The following UNC79 variants were observed in gnomAD, a reference collection of about 807,000 sequenced individuals.
The protein encoded by UNC79 is protein unc-79 homolog.
A neutral mutation model predicts 283.1 loss-of-function variants in UNC79; 37 were observed. The observed-to-expected ratio is 0.13, with a 90% CI of 0.10 to 0.17. The LOEUF (loss-of-function observed/expected upper bound fraction) is 0.17. Among genes scored for constraint, UNC79 ranks in the 10% least tolerant of loss-of-function variants. The pLI is 1.00. For missense variants in UNC79, 2,272 were observed against 3,211.1 expected (o/e 0.71, Z 7.07); for synonymous variants, 1,107 against 1,200.2 (o/e 0.92, Z 1.61).
intron 18 of UNC79, among the ~76,000 whole-genome samples, chr14:93,579,673 C>T (rs1258060234): frequency 2.0e-5 from 3 of 152,172 alleles, no homozygotes; most frequent in African/African-American, 7.2e-5. Context: ...ATTCTATGAA[C>T]TCTTCCTTGA....
At chr14:93,611,832 A>C (rs951302029) in intron 26 of UNC79, among the ~76,000 whole-genome samples, 4 of 151,720 alleles carry the variant, frequency 2.6e-5, no homozygotes, top group African/African-American at 7.3e-5. Context: ...TAGAAATTCT[A>C]ATGTTTCTTA....
rs1052558455 is a variant in UNC79 at position 93,572,937 on chromosome 14, A to G, written c.2070+121A>G. 14 of 1,291,724 alleles carry G rather than the reference A, an allele frequency of 1.1e-5. No individual in the cohort carries two copies. The East Asian group carries it at 3.3e-4, about 31-fold the overall frequency. 80.0% of individuals were successfully genotyped at this position (1,291,724 alleles called of 1,614,324 possible). A position where few individuals can be genotyped will look rare whatever the true frequency, so the allele number is the denominator to read the frequency against. On this transcript the variant is annotated intron_variant, in intron 16 of 48. Coordinates refer to ENST00000555664, the Ensembl canonical transcript of UNC79. ...TTCGTAAGTCCCCATGTTTGCCAAG[A>G]AAGTGTATCTCCTATGCATAGATAA... is the stretch of plus-strand genomic sequence containing the variant.
intron 7 of UNC79, among the ~76,000 whole-genome samples, chr14:93,513,303 T>G (rs932133784): frequency 6.6e-6 from 1 of 150,992 alleles, no homozygotes; most frequent in African/African-American, 2.4e-5. Flanking sequence ...CTCACTGCAA[T>G]CTTGAACTCC....
intron 23 of UNC79, among the ~76,000 whole-genome samples, chr14:93,594,786 C>T (rs928294798): frequency 1.2e-4 from 19 of 152,218 alleles, no homozygotes; most frequent in African/African-American, 4.1e-4. Flanking sequence ...TAGTTCCATT[C>T]TCGGGGTAGC....
intron 26 of UNC79, among the ~76,000 whole-genome samples, chr14:93,610,521 AT>A (rs1198718507): frequency 6.6e-6 from 1 of 152,196 alleles, no homozygotes; most frequent in Non-Finnish European, 1.5e-5. Context: ...TGGCCCAAAC[AT>A]GTCCAAAGCA....
intron 48 of UNC79, among the ~76,000 whole-genome samples, chr14:93,705,405 C>CTAGG (rs1368238428): frequency 2.0e-5 from 3 of 147,438 alleles, no homozygotes; most frequent in Non-Finnish European, 4.5e-5. Context: ...TGGAGGATAC[C>CTAGG]TAGGCACATT....
intron 41 of UNC79, among the ~76,000 whole-genome samples, chr14:93,677,910 A>G (rs2073489001): frequency 6.6e-6 from 1 of 152,118 alleles, no homozygotes; most frequent in South Asian, 2.1e-4. Flanking sequence ...GGCCTCCCAA[A>G]GTGCTGGGAT....
chr14:93,529,020 GC>G (rs2141032154), intron 9 of UNC79, among the ~76,000 whole-genome samples: 1 of 152,258 alleles, frequency 6.6e-6, no homozygotes, highest in African/African-American at 2.4e-5. Flanking sequence ...ATCACACTCA[GC>G]TTTGTACAGA....
chr14:93,699,062 A>G (rs1026373273), intron 47 of UNC79, among the ~76,000 whole-genome samples: 6 of 152,090 alleles, frequency 3.9e-5, no homozygotes, highest in Non-Finnish European at 8.8e-5. Flanking sequence ...TAACCTATCT[A>G]TGTTTTTGTA....
At chr14:93,461,863 CT>C (rs2056972580) in intron 1 of UNC79, among the ~76,000 whole-genome samples, 2 of 150,950 alleles carry the variant, frequency 1.3e-5, no homozygotes, top group Admixed American at 1.3e-4. Context: ...GGAAGGGACA[CT>C]TAAAGTCAGT....
intron 1 of UNC79, among the ~76,000 whole-genome samples, chr14:93,449,731 C>T (rs1351947299): frequency 1.3e-5 from 2 of 151,992 alleles, no homozygotes; most frequent in African/African-American, 4.8e-5. Flanking sequence ...GCTTGCTCTT[C>T]AGTTTTTTTG....
At chr14:93,685,727 T>G (rs1263323626) in intron 42 of UNC79, among the ~76,000 whole-genome samples, 1 of 152,228 alleles carries the variant, frequency 6.6e-6, no homozygotes, top group Non-Finnish European at 1.5e-5. Flanking sequence ...CCTCGTTTGA[T>G]CCACATGATA....
At chr14:93,476,949 A>G (rs578055205) in intron 3 of UNC79, among the ~76,000 whole-genome samples, 3 of 152,260 alleles carry the variant, frequency 2.0e-5, no homozygotes, top group African/African-American at 7.2e-5. Context: ...CAATCCTTCT[A>G]ATGAAGTGAG....
At chr14:93,346,399 G>A (rs1045124641) in intron 1 of UNC79, among the ~76,000 whole-genome samples, 3 of 152,190 alleles carry the variant, frequency 2.0e-5, no homozygotes, top group Admixed American at 1.3e-4. Flanking sequence ...TGTAATCCCA[G>A]TACTTTGGGA....
At chr14:93,614,831 T>C (rs577394444) in intron 27 of UNC79, among the ~76,000 whole-genome samples, 1 of 152,282 alleles carries the variant, frequency 6.6e-6, no homozygotes, top group African/African-American at 2.4e-5. Flanking sequence ...TATGGACTCA[T>C]ATTGCTCCCA....
chr14:93,338,701 G>A (rs1233434475), intron 1 of UNC79, among the ~76,000 whole-genome samples: 3 of 152,114 alleles, frequency 2.0e-5, no homozygotes, highest in African/African-American at 7.2e-5. Context: ...GAGCCCAAGG[G>A]TTCAAGACCA....
At chr14:93,550,514 CA>C (rs1205210121) in intron 14 of UNC79, among the ~76,000 whole-genome samples, 5 of 19,196 alleles carry the variant, frequency 2.6e-4, no homozygotes, top group Non-Finnish European at 4.6e-4. Context: ...GACTCCGTAT[CA>C]AAAAAAAAAA....
chr14:93,334,002 A>G (rs2053518468), intron 1 of UNC79, among the ~76,000 whole-genome samples: 1 of 152,236 alleles, frequency 6.6e-6, no homozygotes, highest in African/African-American at 2.4e-5. Context: ...TTTATTTGAA[A>G]GTATTGTATT....
chr14:93,341,510 A>G (rs1201330064), intron 1 of UNC79, among the ~76,000 whole-genome samples: 1 of 151,734 alleles, frequency 6.6e-6, no homozygotes, highest in Non-Finnish European at 1.5e-5. Context: ...TATGCCTGCA[A>G]TCCTAGCACT....
Sources: gnomAD v4.1 joint callset for allele counts (sites outside exome capture counted in the v4.1 genomes callset) on GRCh38, gnomAD v4.1.1 for gene constraint, MANE v1.5 for transcripts, NCBI Gene and HGNC (gene_info 2026-07-23, HGNC 2026-07-21) for gene names.